The following PARVA variants were observed in gnomAD, a reference collection of about 807,000 sequenced individuals.
PARVA encodes alpha-parvin.
In PARVA, 25 loss-of-function variants were observed where a neutral mutation model predicts 52.6. That is an observed-to-expected ratio of 0.48 (90% CI 0.35 to 0.66). The LOEUF (loss-of-function observed/expected upper bound fraction) is 0.66. PARVA is among the 30% of genes least tolerant of loss of function. PARVA has a pLI of 0.01. For synonymous variants in PARVA, 185 were observed against 179.1 expected, an observed-to-expected ratio of 1.03 and a Z score of -0.26; for missense variants, 373 against 450.9, an observed-to-expected ratio of 0.83 and a Z score of 1.56.
intron 6 of PARVA, among the ~76,000 whole-genome samples, chr11:12,508,124 C>CA (rs199719161): frequency 1.3e-3 from 136 of 105,210 alleles, no homozygotes; most frequent in South Asian, 3.4e-3. Context: ...AAAAAAAAAC[C>CA]AAAAAAAAAA....
chr11:12,477,985 A>C (rs1298186392), intron 4 of PARVA, 36 bp downstream of exon 4: 2 of 1,140,376 alleles, frequency 1.8e-6, no homozygotes, highest in Non-Finnish European at 2.7e-6. Flanking sequence ...ATGTGTGTTT[A>C]ATTGCAGGTG....
At chr11:12,385,715 T>C (rs1017699354) in intron 1 of PARVA, among the ~76,000 whole-genome samples, 3 of 152,218 alleles carry the variant, frequency 2.0e-5, no homozygotes, top group African/African-American at 7.2e-5. Context: ...CCATATAATT[T>C]TAGTTATGGT....
chr11:12,385,174 A>G (rs947594146), intron 1 of PARVA, among the ~76,000 whole-genome samples: 1 of 152,066 alleles, frequency 6.6e-6, no homozygotes, highest in Non-Finnish European at 1.5e-5. Flanking sequence ...CATCTCTACA[A>G]AAAAATTAGC....
intron 1 of PARVA, among the ~76,000 whole-genome samples, chr11:12,461,059 T>C (rs1940771858): frequency 1.3e-5 from 2 of 152,138 alleles, no homozygotes; most frequent in Admixed American, 1.3e-4. Flanking sequence ...TCCAGGTACT[T>C]AATAAGTGCT....
chr11:12,396,814 T>C (rs1337252777), intron 1 of PARVA, among the ~76,000 whole-genome samples: 1 of 152,340 alleles, frequency 6.6e-6, no homozygotes, highest in East Asian at 1.9e-4. Context: ...AAATGAAAAG[T>C]AAGGGCCCCC....
chr11:12,434,362 G>A (rs886693571), intron 1 of PARVA, among the ~76,000 whole-genome samples: 16 of 152,202 alleles, frequency 1.1e-4, no homozygotes, highest in South Asian at 6.2e-4. Context: ...TGCAGGTCCC[G>A]CCTGCTGGGA....
chr11:12,405,734 A>G (rs1392914256), intron 1 of PARVA, among the ~76,000 whole-genome samples: 2 of 152,184 alleles, frequency 1.3e-5, no homozygotes, highest in Non-Finnish European at 2.9e-5. Flanking sequence ...AGGTGGGTGG[A>G]TCACTTAAGG....
chr11:12,473,819 G>A lies in PARVA; in HGVS notation c.211G>A (p.Glu71Lys), dbSNP rs138341373. The change falls in exon 2 of 13, where the codon GAG becomes AAG. Residue 71 changes from glutamate to lysine, a missense_variant. Transcript: ENST00000334956. The stretch of plus-strand genomic sequence containing the variant: ...CCCAATTCCCTTTGAGCTGGACCCC[G>A]AGGACACGATGCTGGGTAACTGTGC... ...LSPIPFELDP[E>K]DTMLEENEVR... 320 of 1,571,126 alleles carry A rather than the reference G, an allele frequency of 2.0e-4. No individual in the cohort carries two copies. Among genetic ancestry groups the A allele is most frequent in the Middle Eastern group, 1.3e-3 (8 of 6,024 alleles).
chr11:12,494,453 A>T lies in PARVA; in HGVS notation c.401-2005A>T, dbSNP rs1455292341. Among the ~76,000 whole-genome samples, 3 of 152,178 alleles carry T rather than the reference A, an allele frequency of 2.0e-5. No individual in the cohort carries two copies. In the East Asian group the frequency reaches 5.8e-4, roughly 29 times the overall value. ...TAACATAAACTCAGATGTAGGTGAA[A>T]GGGGCTTGTTATGAATAACAAAAGA... On this transcript the variant is annotated intron_variant, in intron 4 of 12. Transcript: ENST00000334956.
intron 1 of PARVA, among the ~76,000 whole-genome samples, chr11:12,414,120 C>G (rs890202698): frequency 6.6e-6 from 1 of 152,192 alleles, no homozygotes; most frequent in Non-Finnish European, 1.5e-5. Flanking sequence ...CAGCACAGAA[C>G]TATTAATTAT....
intron 1 of PARVA, among the ~76,000 whole-genome samples, chr11:12,415,750 A>G (rs1011089094): frequency 7.9e-5 from 12 of 152,202 alleles, no homozygotes; most frequent in African/African-American, 2.7e-4. Context: ...TTGCTCTGAT[A>G]TCAAAGGGAT....
intron 1 of PARVA, among the ~76,000 whole-genome samples, chr11:12,440,987 C>T (rs942016779): frequency 7.2e-5 from 11 of 152,322 alleles, no homozygotes; most frequent in Admixed American, 5.2e-4. Context: ...CCTAACATAG[C>T]GCATGATATC....
intron 7 of PARVA, among the ~76,000 whole-genome samples, chr11:12,510,578 T>C (rs1398325897): frequency 1.2e-5 from 1 of 83,144 alleles, no homozygotes; most frequent in Admixed American, 1.0e-4. Context: ...TGAAAAATGG[T>C]GAAAAATGGT....
Position 12,473,711 on chromosome 11 carries a change from C to G in PARVA, c.137-34C>G, listed in dbSNP as rs553090160. The G allele has an allele frequency of 4.0e-6, 6 of 1,508,016 alleles. No individual in the cohort carries two copies. The African/African-American group carries it at 6.9e-5, about 17-fold the overall frequency. The allele number at this position is 1,508,016 out of a possible 1,614,324, so 93.4% of individuals were successfully genotyped here. A position where few individuals can be genotyped will look rare whatever the true frequency, so the allele number is the denominator to read the frequency against. Reference sequence around the variant, plus strand: ...GCTCCAACCCCCTGCCGTCCGTCAGCTGAAATGTGACCCTGCTCTTCCTTT... The same window carrying G: ...GCTCCAACCCCCTGCCGTCCGTCAGGTGAAATGTGACCCTGCTCTTCCTTT... On this transcript the variant is annotated intron_variant, in intron 1 of 12. Transcript: ENST00000334956.
intron 4 of PARVA, among the ~76,000 whole-genome samples, chr11:12,481,716 T>C (rs567634411): frequency 2.0e-4 from 30 of 152,256 alleles, no homozygotes; most frequent in African/African-American, 7.0e-4. Flanking sequence ...CTAATCGTAC[T>C]GGGGGTTGAG....
Position 12,532,929 on chromosome 11 carries a change from T to G in PARVA, c.*5004T>G, listed in dbSNP as rs16911474. 0.024 allele frequency among the ~76,000 whole-genome samples: 3,720 copies of G among 152,298 alleles called. 151 individuals are homozygous for G. Among genetic ancestry groups the G allele is most frequent in the African/African-American group, 0.085 (3,518 of 41,554 alleles). ...CCATCTACCTTTTTAAATGTCCCAC[T>G]GTGTAGGAAAACTCTGGGGAAAGCT... is the stretch of plus-strand genomic sequence containing the variant. On this transcript the variant is annotated 3_prime_UTR_variant, in exon 13 of 13. Coordinates refer to ENST00000334956, the MANE Select transcript of PARVA (RefSeq NM_018222.5).
At chr11:12,521,890 T>C (rs1458974086) in intron 12 of PARVA, among the ~76,000 whole-genome samples, 1 of 152,180 alleles carries the variant, frequency 6.6e-6, no homozygotes, top group Non-Finnish European at 1.5e-5. Context: ...CATCCCCCAC[T>C]TGGAAAGAAC....
intron 1 of PARVA, among the ~76,000 whole-genome samples, chr11:12,455,774 C>T (rs1218690032): frequency 6.6e-6 from 1 of 152,154 alleles, no homozygotes; most frequent in East Asian, 1.9e-4. Context: ...TTCTTGCCAC[C>T]TCTGAAACTT....
chr11:12,483,642 G>A (rs1385339430), intron 4 of PARVA, among the ~76,000 whole-genome samples: 1 of 152,222 alleles, frequency 6.6e-6, no homozygotes, highest in African/African-American at 2.4e-5. Flanking sequence ...CCATCAGTGT[G>A]CTAGGAGCTG....
Sources: allele counts gnomAD v4.1 joint callset (sites outside exome capture counted in the v4.1 genomes callset), GRCh38; gene constraint gnomAD v4.1.1; transcripts MANE v1.5; gene names NCBI Gene and HGNC (gene_info 2026-07-23, HGNC 2026-07-21).